TBX15: variants seen among roughly 807,000 people sequenced by gnomAD.
The protein encoded by TBX15 is T-box transcription factor 15.
Under a neutral mutation model 53.9 loss-of-function variants are expected in TBX15, and 18 were observed. That is an observed-to-expected ratio of 0.33 (90% confidence interval 0.23 to 0.49). The LOEUF (loss-of-function observed/expected upper bound fraction) is 0.49. Among genes scored for constraint, TBX15 ranks in the 20% least tolerant of loss-of-function variants. The pLI is 0.98. For synonymous variants in TBX15, 295 were observed against 278.0 expected, an observed-to-expected ratio of 1.06 and a Z score of -0.61; for missense variants, 692 against 749.5, an observed-to-expected ratio of 0.92 and a Z score of 0.90.
chr1:118,957,718 A>G (rs1656739617), intron 1 of TBX15, among the ~76,000 whole-genome samples: 2 of 152,100 alleles, frequency 1.3e-5, no homozygotes, highest in Admixed American at 1.3e-4. Context: ...GAAAACATGC[A>G]GTGTTTGGTT....
At chr1:118,934,373 G>A (rs181934967) in intron 1 of TBX15, among the ~76,000 whole-genome samples, 1 of 152,238 alleles carries the variant, frequency 6.6e-6, no homozygotes, top group African/African-American at 2.4e-5. Context: ...CATTACCATA[G>A]GAGTTAAATA....
At chr1:118,929,876 T>G (rs974015621) in intron 2 of TBX15, among the ~76,000 whole-genome samples, 1 of 152,068 alleles carries the variant, frequency 6.6e-6, no homozygotes, top group Non-Finnish European at 1.5e-5. Flanking sequence ...ATGTAATATT[T>G]CTTCTCTCTC....
At chr1:118,987,441 G>A in intron 1 of TBX15, 150 bp downstream of exon 1, 2 of 1,020,808 alleles carry the variant, frequency 2.0e-6, no homozygotes, top group Non-Finnish European at 1.4e-6. Context: ...ATTTAGGGAG[G>A]CTCAGGGCAT....
chr1:118,981,139 T>C (rs781128875), intron 1 of TBX15, among the ~76,000 whole-genome samples: 2 of 152,224 alleles, frequency 1.3e-5, no homozygotes, highest in Non-Finnish European at 2.9e-5. Flanking sequence ...TGACTGGTAC[T>C]TCTGACTTTG....
rs114890532 is a variant in TBX15 at position 118,915,519 on chromosome 1, C to T, written c.862-1340G>A. ...TTGCACACTAATTATGCAGCACCAA[C>T]AATGTAGCAAAAGCAATTTTACATG... On this transcript the variant is annotated intron_variant, in intron 5 of 7. Coordinates refer to ENST00000369429, the MANE Select transcript of TBX15 (RefSeq NM_001330677.2). Among the ~76,000 whole-genome samples the T allele has an allele frequency of 8.1e-3, 1,227 of 152,270 alleles. 9 individuals carry two copies. The highest frequency in any genetic ancestry group is 0.011 in the Non-Finnish European group (772 of 68,028).
chr1:118,939,822 G>A (rs1366254172), intron 1 of TBX15, among the ~76,000 whole-genome samples: 1 of 151,698 alleles, frequency 6.6e-6, no homozygotes, highest in Non-Finnish European at 1.5e-5. Flanking sequence ...AGCTGGAAAT[G>A]AAAAAAAGGA....
intron 1 of TBX15, among the ~76,000 whole-genome samples, chr1:118,975,497 C>T (rs1021582467): frequency 1.3e-5 from 2 of 152,234 alleles, no homozygotes; most frequent in Non-Finnish European, 2.9e-5. Flanking sequence ...GCATCATCTA[C>T]AGGGCAGGCA....
chr1:118,916,913 A>G (rs1207087205), intron 5 of TBX15, among the ~76,000 whole-genome samples: 2 of 152,092 alleles, frequency 1.3e-5, no homozygotes, highest in African/African-American at 4.8e-5. Context: ...ATAAAAATCA[A>G]GAAAAAACAG....
At chr1:118,916,106 G>A (rs1267664190) in intron 5 of TBX15, among the ~76,000 whole-genome samples, 1 of 152,208 alleles carries the variant, frequency 6.6e-6, no homozygotes, top group Non-Finnish European at 1.5e-5. Flanking sequence ...AGCAACACAG[G>A]TGACAGAATG....
intron 1 of TBX15, among the ~76,000 whole-genome samples, chr1:118,951,678 C>T (rs561571208): frequency 6.6e-6 from 1 of 152,290 alleles, no homozygotes; most frequent in Non-Finnish European, 1.5e-5. Context: ...GTGGCAAAAC[C>T]TAAAGGTCAC....
At chr1:118,897,259 G>A (rs1654461810) in intron 7 of TBX15, among the ~76,000 whole-genome samples, 1 of 152,160 alleles carries the variant, frequency 6.6e-6, no homozygotes, top group South Asian at 2.1e-4. Flanking sequence ...CCAAGAAGAA[G>A]TTTGAGAGTG....
At chr1:118,901,657 G>A (rs1016546753) in intron 6 of TBX15, among the ~76,000 whole-genome samples, 5 of 152,144 alleles carry the variant, frequency 3.3e-5, no homozygotes, top group Non-Finnish European at 7.4e-5. Flanking sequence ...AATCTTGGAT[G>A]TCATCTACTA....
At chr1:118,924,307 C>T (rs1348640114) in intron 4 of TBX15, among the ~76,000 whole-genome samples, 1 of 152,138 alleles carries the variant, frequency 6.6e-6, no homozygotes, top group Non-Finnish European at 1.5e-5. Flanking sequence ...TGTTTTATAG[C>T]CTTGTGGGTT....
At chr1:118,930,133 A>G (rs747420895) in intron 2 of TBX15, among the ~76,000 whole-genome samples, 1 of 152,218 alleles carries the variant, frequency 6.6e-6, no homozygotes, top group Non-Finnish European at 1.5e-5. Flanking sequence ...TTTCAGATTT[A>G]TTTTAACTTC....
chr1:118,983,602 C>T (rs115872545), intron 1 of TBX15, among the ~76,000 whole-genome samples: 4,781 of 152,296 alleles, frequency 0.031, 242 homozygotes, highest in African/African-American at 0.11. Context: ...AAAGGGTGAC[C>T]TCCGTGGAAG....
At chr1:118,935,419 A>T (rs1655939077) in intron 1 of TBX15, among the ~76,000 whole-genome samples, 1 of 152,218 alleles carries the variant, frequency 6.6e-6, no homozygotes, top group Non-Finnish European at 1.5e-5. Context: ...TCCTCAAAAA[A>T]TAGCCATTAG....
At position 118,987,577 on chromosome 1, in the gene TBX15, T is replaced by G; in HGVS notation, c.205+14A>C. 1 of 1,540,068 alleles carries G rather than the reference T, an allele frequency of 6.5e-7. No individual in the cohort carries two copies. Among genetic ancestry groups the G allele is most frequent in the Non-Finnish European group, 8.7e-7 (1 of 1,143,384 alleles). ...TCTCCGCCCGCCTCCCGCGGTCGGC[T>G]GCGACGCACTCACCCGGGTGAGGCT... On this transcript the variant is annotated intron_variant, in intron 1 of 7. Coordinates refer to ENST00000369429, the MANE Select transcript of TBX15 (RefSeq NM_001330677.2).
At chr1:118,902,928 T>C (rs1654682791) in intron 6 of TBX15, among the ~76,000 whole-genome samples, 1 of 152,184 alleles carries the variant, frequency 6.6e-6, no homozygotes, top group Non-Finnish European at 1.5e-5. Context: ...GAATTCATTG[T>C]CTAACGGGTG....
At position 118,901,980 on chromosome 1, in the gene TBX15, C is replaced by G. The variant is rs149669927; in HGVS notation, c.927-2855G>C. Among the ~76,000 whole-genome samples the G allele has an allele frequency of 7.4e-4, 112 of 152,006 alleles. 1 individual carries two copies. Among genetic ancestry groups the G allele is most frequent in the Middle Eastern group, 3.4e-3 (1 of 294 alleles). On this transcript the variant is annotated intron_variant, in intron 6 of 7. Coordinates refer to ENST00000369429, the MANE Select transcript of TBX15 (RefSeq NM_001330677.2). ...GAATTGTGTGGGGAGGGTTATGGCT[C>G]CCAAAAAAATAATGGCTAAGACCAT...
Sources: gnomAD v4.1 joint callset for allele counts (sites outside exome capture counted in the v4.1 genomes callset) on GRCh38, gnomAD v4.1.1 for gene constraint, MANE v1.5 for transcripts, NCBI Gene and HGNC (gene_info 2026-07-23, HGNC 2026-07-21) for gene names.